Variants in MCC observed in about 807,000 individuals in gnomAD.
MCC encodes MCC regulator of Wnt signaling pathway.
Under a neutral mutation model 116.2 loss-of-function variants are expected in MCC, and 90 were observed. The ratio of observed to expected loss-of-function variants is 0.77; its 90% CI spans 0.65 to 0.92. MCC has a LOEUF of 0.92. MCC is among the 40% of genes least tolerant of loss of function. MCC has a pLI of 0.00. For synonymous variants in MCC, 578 were observed against 510.5 expected (o/e 1.13, Z -1.78); for missense variants, 1,516 against 1,312.2 (o/e 1.16, Z -2.40).
intron 3 of MCC, among the ~76,000 whole-genome samples, chr5:113,296,412 C>T (rs550100681): frequency 2.8e-4 from 42 of 152,168 alleles, no homozygotes; most frequent in Non-Finnish European, 5.0e-4. Flanking sequence ...GAGGGAAATA[C>T]GATTTTGGCT....
At chr5:113,352,478 G>A (rs1014794806) in intron 2 of MCC, among the ~76,000 whole-genome samples, 1 of 151,734 alleles carries the variant, frequency 6.6e-6, no homozygotes, top group African/African-American at 2.4e-5. Flanking sequence ...CTGCTTGCCT[G>A]CCCTCCAACA....
chr5:113,114,352 C>T (rs1397402996), intron 6 of MCC, among the ~76,000 whole-genome samples: 1 of 152,174 alleles, frequency 6.6e-6, no homozygotes, highest in African/African-American at 2.4e-5. Context: ...AGTGCAGCCA[C>T]CAGAACTGGA....
At chr5:113,327,561 A>AAAAAAAAAT (rs1480996383) in intron 3 of MCC, among the ~76,000 whole-genome samples, 43 of 80,546 alleles carry the variant, frequency 5.3e-4, no homozygotes, top group Admixed American at 2.5e-3. Flanking sequence ...AAAAAAAAAA[A>AAAAAAAAAT]ATATATATAT....
Position 113,025,116 on chromosome 5 carries a change from TTC to T in MCC, c.*2184_*2185del, listed in dbSNP as rs1304477821. The T allele has an allele frequency of 2.0e-5, 3 of 152,114 alleles. No homozygotes were observed. The highest frequency in any genetic ancestry group is 4.4e-5 in the Non-Finnish European group (3 of 68,034). The allele number at this position is 152,114 out of a possible 1,614,324, so 9.4% of individuals were successfully genotyped here. A position where few individuals can be genotyped will look rare whatever the true frequency, so the allele number is the denominator to read the frequency against. ...TTTTATTCCTGCTTCAGCCACATGT[TTC>T]TGTGTCAGTGAAAATGAAAACTGCC... On this transcript the variant is annotated 3_prime_UTR_variant, in exon 19 of 19. Transcript: ENST00000408903.
At chr5:113,204,409 C>T (rs1368183857) in intron 3 of MCC, 6 of 152,002 alleles carry the variant, frequency 3.9e-5, no homozygotes, top group African/African-American at 4.8e-5. Flanking sequence ...TCTTTCCCTC[C>T]GAAATGCATT....
intron 3 of MCC, chr5:113,294,424 C>T (rs1766640332): frequency 6.2e-7 from 1 of 1,613,260 alleles, no homozygotes; most frequent in East Asian, 2.2e-5. Flanking sequence ...TCCCCCAGGT[C>T]TCGGAGCTTA....
rs765881326 is a variant in MCC at position 113,071,139 on chromosome 5, T to A, written c.1880A>T (p.Lys627Ile). The part of the protein sequence containing the change: ...NAERMSMLVG[K>I]YESNATALRL... ...CAGCGCTGTGGCATTGGATTCGTAT[T>A]TTCCCACCAGCATGCTCATCCTCTC... The change falls in exon 12 of 19, where the codon AAA (lysine) becomes ATA (isoleucine). Residue 627 changes from lysine (K) to isoleucine (I), a missense_variant. By Grantham distance (102) the Lys-to-Ile change is moderately radical (BLOSUM62 -3). Coordinates refer to ENST00000408903, the MANE Select transcript of MCC (RefSeq NM_001085377.2). 1.2e-6 allele frequency: 2 copies of A among 1,614,164 alleles called. No individual in the cohort carries two copies. Among genetic ancestry groups the A allele is most frequent in the Non-Finnish European group, 1.7e-6 (2 of 1,180,026 alleles).
At chr5:113,392,101 T>C (rs1043837575) in intron 1 of MCC, among the ~76,000 whole-genome samples, 8 of 152,052 alleles carry the variant, frequency 5.3e-5, no homozygotes, top group African/African-American at 1.9e-4. Context: ...CGTGGTGGCA[T>C]GTGCCTGTAA....
chr5:113,434,420 G>C lies in MCC; in HGVS notation c.171-49208C>G, dbSNP rs1336803872. The C allele has an allele frequency of 5.0e-6, 8 of 1,613,874 alleles. No individual in the cohort carries two copies. The highest frequency in any genetic ancestry group is 3.3e-5 in the Admixed American group (2 of 59,986). On this transcript the variant is annotated intron_variant, in intron 1 of 18. Transcript: ENST00000408903. The surrounding 1 kb of genome is among the most constrained non-coding windows in gnomAD (Gnocchi z 4.2). ...TGAAGTCCTTGTCAAGGAGAAGGTT[G>C]TCACACTTGAGGTCCCGGTGGACGA...
At chr5:113,412,534 T>C (rs1282826966) in intron 1 of MCC, among the ~76,000 whole-genome samples, 2 of 152,244 alleles carry the variant, frequency 1.3e-5, no homozygotes, top group African/African-American at 4.8e-5. Flanking sequence ...TTTGTAGCAA[T>C]TGTGAATGGG....
intron 3 of MCC, among the ~76,000 whole-genome samples, chr5:113,175,582 T>C (rs1213604622): frequency 6.6e-6 from 1 of 152,140 alleles, no homozygotes; most frequent in Non-Finnish European, 1.5e-5. Flanking sequence ...ATAGATATGA[T>C]GCTAGGGATA....
intron 3 of MCC, among the ~76,000 whole-genome samples, chr5:113,263,713 A>C (rs1196875118): frequency 1.3e-5 from 2 of 152,234 alleles, no homozygotes; most frequent in East Asian, 3.8e-4. Flanking sequence ...GAAAAGTAAA[A>C]GCTGTAATAT....
intron 3 of MCC, among the ~76,000 whole-genome samples, chr5:113,264,947 C>T (rs1033641988): frequency 6.6e-6 from 1 of 152,046 alleles, no homozygotes; most frequent in Admixed American, 6.5e-5. Flanking sequence ...GAGGCTGCGG[C>T]AGGAGAATCG....
chr5:113,063,333 T>C (rs1753352135), intron 14 of MCC, among the ~76,000 whole-genome samples: 1 of 152,228 alleles, frequency 6.6e-6, no homozygotes, highest in Non-Finnish European at 1.5e-5. Context: ...CAGCAAATTA[T>C]GCTCTGCAAG....
At chr5:113,409,564 C>T (rs1769924233) in intron 1 of MCC, among the ~76,000 whole-genome samples, 1 of 152,100 alleles carries the variant, frequency 6.6e-6, no homozygotes, top group African/African-American at 2.4e-5. Flanking sequence ...GTAGCCCAGG[C>T]TGCTCTTGAA....
Position 113,071,458 on chromosome 5 carries a change from C to T in MCC, c.1785-224G>A, listed in dbSNP as rs112577868. On this transcript the variant is annotated intron_variant, in intron 11 of 18. Transcript: ENST00000408903. The stretch of plus-strand genomic sequence containing the variant: ...AAGCCCCCTGGTTAAAAATAAGCCC[C>T]CCAGCCATTGCCACACTCACTCCAT... Among the ~76,000 whole-genome samples the T allele has an allele frequency of 3.6e-4, 55 of 152,204 alleles. 2 individuals carry two copies. The highest frequency in any genetic ancestry group is 1.3e-3 in the African/African-American group (52 of 41,526).
At chr5:113,135,203 G>C (rs1302997929) in intron 5 of MCC, among the ~76,000 whole-genome samples, 2 of 150,534 alleles carry the variant, frequency 1.3e-5, no homozygotes, top group Non-Finnish European at 3.0e-5. Flanking sequence ...CTCCCAAGTT[G>C]CTGGGATTAC....
intron 12 of MCC, among the ~76,000 whole-genome samples, chr5:113,068,781 G>A (rs1753809298): frequency 1.3e-5 from 2 of 152,224 alleles, no homozygotes; most frequent in African/African-American, 2.4e-5. Context: ...AGCCAGGTGA[G>A]TGAGCCTTCT....
intron 3 of MCC, among the ~76,000 whole-genome samples, chr5:113,223,080 G>T (rs1763609733): frequency 1.3e-5 from 2 of 152,198 alleles, no homozygotes; most frequent in Non-Finnish European, 1.5e-5. Context: ...CATTGACAGG[G>T]ACGGTGACAC....
Sources: gnomAD v4.1 joint callset for allele counts (sites outside exome capture counted in the v4.1 genomes callset) on GRCh38, gnomAD v4.1.1 for gene constraint, Gnocchi (gnomAD v3.1) non-coding constraint, MANE v1.5 for transcripts, NCBI Gene and HGNC (gene_info 2026-07-23, HGNC 2026-07-21) for gene names.